HUNK: variants seen among roughly 807,000 people sequenced by gnomAD.
HUNK encodes hormonally up-regulated neu tumor-associated kinase.
HUNK carries 21 observed loss-of-function variants against 61.0 expected under a neutral mutation model. The observed-to-expected ratio is 0.34, with a 90% CI of 0.24 to 0.50. The LOEUF (loss-of-function observed/expected upper bound fraction) is 0.50, where lower values mean the gene tolerates loss of function less well. Among genes scored for constraint, HUNK ranks in the 20% least tolerant of loss-of-function variants. The pLI is 0.98. For missense variants in HUNK, 772 were observed against 945.7 expected (o/e 0.82, Z 2.41); for synonymous variants, 371 against 386.1 (o/e 0.96, Z 0.46).
At chr21:31,961,342 ATAAAGATGCTG>A (rs1278631756) in intron 5 of HUNK, among the ~76,000 whole-genome samples, 1 of 152,152 alleles carries the variant, frequency 6.6e-6, no homozygotes, top group African/African-American at 2.4e-5. Context: ...GCTATCATGA[ATAAAGATGCTG>A]TAAACATTCA....
chr21:31,906,260 T>G (rs2052504589), intron 1 of HUNK, among the ~76,000 whole-genome samples: 1 of 152,170 alleles, frequency 6.6e-6, no homozygotes, highest in African/African-American at 2.4e-5. Context: ...CGAGGTTAAG[T>G]TTTTTGCCTA....
At chr21:31,891,498 A>C (rs1196809588) in intron 1 of HUNK, among the ~76,000 whole-genome samples, 2 of 152,240 alleles carry the variant, frequency 1.3e-5, no homozygotes, top group Non-Finnish European at 2.9e-5. Flanking sequence ...AGCAGGTTAC[A>C]TTTAATAATA....
At chr21:31,942,989 G>A (rs1047258197) in intron 3 of HUNK, among the ~76,000 whole-genome samples, 5 of 152,102 alleles carry the variant, frequency 3.3e-5, no homozygotes, top group Non-Finnish European at 4.4e-5. Context: ...GAGGTTTCTT[G>A]CCCCTGGGTT....
chr21:31,915,133 C>T (rs1043723186), intron 1 of HUNK, among the ~76,000 whole-genome samples: 2 of 151,484 alleles, frequency 1.3e-5, no homozygotes, highest in Non-Finnish European at 2.9e-5. Flanking sequence ...CCATTTTCTA[C>T]AGGTGTCGTG....
In HUNK at chr21:31,983,586, A is replaced by G. The variant is rs748775807; in HGVS notation, c.1234A>G (p.Arg412Gly). ...KTRLYQIEKY[R>G]APKESYEASL... is the part of the protein sequence containing the mutation. ...CCGGCTCTACCAGATAGAAAAGTAC[A>G]GGGCCCCCAAGGAGTCCTATGAGGT... Residue 412 changes from arginine to glycine, a missense_variant, in exon 8 of 11, where the codon AGG becomes GGG. Arg to Gly is a moderately radical substitution (Grantham distance 125). Transcript: ENST00000270112. 1 of 1,613,650 alleles carries G rather than the reference A, an allele frequency of 6.2e-7. No homozygotes were observed. The highest frequency in any genetic ancestry group is 8.5e-7 in the Non-Finnish European group (1 of 1,179,792).
rs1300320071 is a variant in HUNK at position 31,983,541 on chromosome 21, G to T, written c.1189G>T (p.Asp397Tyr). Residue 397 changes from aspartate (D) to tyrosine (Y), a missense_variant, in exon 8 of 11, where the codon GAC (aspartate) becomes TAC (tyrosine). Transcript: ENST00000270112. ...RYLSGKSDIQ[D>Y]SLCYKTRLYQ... ...CCTCTGGTAGAAATCTGACATCCAG[G>T]ACAGCCTCTGCTACAAGACCCGGCT... The T allele has an allele frequency of 6.2e-7, 1 of 1,613,730 alleles. No individual in the cohort carries two copies.
At chr21:31,947,210 T>C (rs372281894) in intron 4 of HUNK, among the ~76,000 whole-genome samples, 2 of 144,462 alleles carry the variant, frequency 1.4e-5, no homozygotes, top group African/African-American at 2.6e-5. Context: ...CACATCCCAG[T>C]CTCAAGCCAG....
chr21:31,895,686 T>C (rs1156605779), intron 1 of HUNK, among the ~76,000 whole-genome samples: 1 of 152,146 alleles, frequency 6.6e-6, no homozygotes, highest in East Asian at 1.9e-4. Context: ...GCCTTTGAAA[T>C]AGAGTTGCTC....
intron 1 of HUNK, among the ~76,000 whole-genome samples, chr21:31,916,640 C>T (rs1010465715): frequency 2.0e-5 from 3 of 151,540 alleles, no homozygotes; most frequent in Non-Finnish European, 2.9e-5. Context: ...CAAACTCTTC[C>T]TCCTCTTCCT....
At chr21:31,975,656 C>T (rs1330641641) in intron 7 of HUNK, among the ~76,000 whole-genome samples, 2 of 125,942 alleles carry the variant, frequency 1.6e-5, no homozygotes, top group African/African-American at 6.3e-5. Flanking sequence ...ATTTACCATC[C>T]AGAACATGTG....
intron 1 of HUNK, among the ~76,000 whole-genome samples, chr21:31,885,526 C>T (rs2052340005): frequency 6.6e-6 from 1 of 152,176 alleles, no homozygotes; most frequent in South Asian, 2.1e-4. Context: ...GACCCGGGGG[C>T]TGGAATAGCA....
intron 7 of HUNK, among the ~76,000 whole-genome samples, chr21:31,976,888 A>G (rs1337106255): frequency 2.0e-5 from 3 of 151,504 alleles, no homozygotes; most frequent in African/African-American, 7.3e-5. Flanking sequence ...CTCCCACCTC[A>G]GTGTCCTGAG....
At chr21:31,927,180 A>AC (rs1471285090) in intron 2 of HUNK, among the ~76,000 whole-genome samples, 55 of 152,204 alleles carry the variant, frequency 3.6e-4, no homozygotes, top group Admixed American at 3.6e-3. Flanking sequence ...TGCTGGGATT[A>AC]CAGGCACGTG....
intron 1 of HUNK, among the ~76,000 whole-genome samples, chr21:31,894,396 G>C (rs2052411352): frequency 6.6e-6 from 1 of 152,126 alleles, no homozygotes; most frequent in African/African-American, 2.4e-5. Context: ...CATTTGCCAG[G>C]TGTACTGTGA....
intron 7 of HUNK, among the ~76,000 whole-genome samples, chr21:31,981,435 G>A (rs115456091): frequency 6.5e-4 from 98 of 151,406 alleles, no homozygotes; most frequent in African/African-American, 2.3e-3. Flanking sequence ...CATTGAATCC[G>A]TAGATTGCTT....
intron 2 of HUNK, among the ~76,000 whole-genome samples, chr21:31,927,794 C>G (rs115433979): frequency 0.01 from 1,539 of 152,242 alleles, 17 homozygotes; most frequent in African/African-American, 0.036. Context: ...ATGTCTAAAC[C>G]CAGGGGAGGA....
At chr21:31,948,212 C>T (rs2052823157) in intron 4 of HUNK, among the ~76,000 whole-genome samples, 1 of 152,196 alleles carries the variant, frequency 6.6e-6, no homozygotes. Flanking sequence ...CCTTGCTTGC[C>T]CTGTGGCCTC....
At chr21:31,956,354 C>CCA (rs2052889394) in intron 4 of HUNK, among the ~76,000 whole-genome samples, 1 of 152,204 alleles carries the variant, frequency 6.6e-6, no homozygotes, top group Non-Finnish European at 1.5e-5. Context: ...CCAGCAACAA[C>CCA]TTTGTGGGAT....
chr21:31,921,548 G>A (rs895739181), intron 1 of HUNK, among the ~76,000 whole-genome samples: 1 of 152,064 alleles, frequency 6.6e-6, no homozygotes, highest in Non-Finnish European at 1.5e-5. Flanking sequence ...AGTTGGGACC[G>A]GGTGGTGGTG....
Sources: allele counts gnomAD v4.1 joint callset (sites outside exome capture counted in the v4.1 genomes callset), GRCh38; gene constraint gnomAD v4.1.1; transcripts MANE v1.5; gene names NCBI Gene and HGNC (gene_info 2026-07-23, HGNC 2026-07-21).